ADISSP: variants seen among roughly 807,000 people sequenced by gnomAD.
ADISSP encodes the protein adipose-secreted signaling protein.
the ADISSP span, among the ~76,000 whole-genome samples, chr20:3,763,395 T>TA: frequency 1.3e-5 from 2 of 148,844 alleles, no homozygotes; most frequent in Non-Finnish European, 3.0e-5. Context: ...CTGTCTCTAC[T>TA]AAAAAATACA....
chr20:3,754,466 C>T, the ADISSP span: 2 of 1,613,976 alleles, frequency 1.2e-6, no homozygotes, highest in Non-Finnish European at 1.7e-6. Flanking sequence ...AGCAGTATCT[C>T]CTCTTTGAGG....
chr20:3,756,065 A>T, the ADISSP span, among the ~76,000 whole-genome samples: 4 of 152,216 alleles, frequency 2.6e-5, no homozygotes, highest in Non-Finnish European at 5.9e-5. Flanking sequence ...CACTGCCAGT[A>T]TCCCAGGGTC....
chr20:3,761,383 T>TG, the ADISSP span, among the ~76,000 whole-genome samples: 2 of 151,458 alleles, frequency 1.3e-5, no homozygotes, highest in Admixed American at 1.3e-4. Context: ...TCACCCAGGC[T>TG]GGGATGCAAT....
chr20:3,766,079 C>T, the ADISSP span, among the ~76,000 whole-genome samples: 1 of 152,164 alleles, frequency 6.6e-6, no homozygotes, highest in East Asian at 1.9e-4. Context: ...CTCTCTGAGC[C>T]AGGAACTCCG....
the ADISSP span, among the ~76,000 whole-genome samples, chr20:3,756,608 G>T: frequency 6.6e-6 from 1 of 152,174 alleles, no homozygotes; most frequent in Admixed American, 6.5e-5. Context: ...ATTGCTACAT[G>T]ACAAACTTCA....
chr20:3,754,116 C>G, the ADISSP span: 1 of 1,613,522 alleles, frequency 6.2e-7, no homozygotes, highest in Non-Finnish European at 8.5e-7. Context: ...GGCGCCCACA[C>G]ACTTGACACC....
At chr20:3,754,192 G>GC in the ADISSP span, 5 of 1,580,066 alleles carry the variant, frequency 3.2e-6, no homozygotes, top group Non-Finnish European at 4.3e-6. Context: ...TGCCATGCTG[G>GC]CCCCCGGCCC....
At chr20:3,759,737 C>T in the ADISSP span, among the ~76,000 whole-genome samples, 1 of 152,102 alleles carries the variant, frequency 6.6e-6, no homozygotes, top group African/African-American at 2.4e-5. This position sits in a 1 kb window ranked among gnomAD's most constrained non-coding sequence, Gnocchi z 4.6. Context: ...CCTTCCACAG[C>T]CTGCTGTGGC....
chr20:3,758,608 G>A, the ADISSP span: 1 of 1,614,068 alleles, frequency 6.2e-7, no homozygotes, highest in Non-Finnish European at 8.5e-7. This position sits in a 1 kb window ranked among gnomAD's most constrained non-coding sequence, Gnocchi z 5.5. Flanking sequence ...CATCAAAGTG[G>A]ACGTGGCTGT....
chr20:3,759,425 G>A, the ADISSP span, among the ~76,000 whole-genome samples: 3 of 152,134 alleles, frequency 2.0e-5, no homozygotes, highest in Non-Finnish European at 4.4e-5. This position sits in a 1 kb window ranked among gnomAD's most constrained non-coding sequence, Gnocchi z 4.6. Flanking sequence ...CAGGGTAGGC[G>A]GGAGCCGAGC....
chr20:3,754,079 G>T, the ADISSP span: 1 of 1,613,028 alleles, frequency 6.2e-7, no homozygotes, highest in South Asian at 1.1e-5. Context: ...CGTGCCAGTC[G>T]CTGTGCTCTG....
the ADISSP span, chr20:3,753,794 T>C: frequency 1.8e-6 from 1 of 543,274 alleles, no homozygotes; most frequent in Admixed American, 3.3e-5. Context: ...CCCTCTCCCT[T>C]CCTCAGACAG....
At chr20:3,759,178 GC>G in the ADISSP span, among the ~76,000 whole-genome samples, 6 of 152,184 alleles carry the variant, frequency 3.9e-5, no homozygotes, top group Admixed American at 1.3e-4. The surrounding 1 kb of genome is among the most constrained non-coding windows in gnomAD (Gnocchi z 4.6). Context: ...TGGGGGATCT[GC>G]CTGGGGTGGC....
chr20:3,764,543 G>A, the ADISSP span, among the ~76,000 whole-genome samples: 3 of 152,186 alleles, frequency 2.0e-5, no homozygotes, highest in Non-Finnish European at 1.5e-5. Flanking sequence ...TTTTAAGGAT[G>A]CACACCCTGC....
chr20:3,759,247 A>G, the ADISSP span, among the ~76,000 whole-genome samples: 1 of 152,178 alleles, frequency 6.6e-6, no homozygotes, highest in African/African-American at 2.4e-5. The surrounding 1 kb of genome is among the most constrained non-coding windows in gnomAD (Gnocchi z 4.6). Context: ...TGCAGCTGCC[A>G]GTAAACCTCA....
At chr20:3,759,915 A>G in the ADISSP span, 14 of 1,203,102 alleles carry the variant, frequency 1.2e-5, no homozygotes, top group Non-Finnish European at 1.7e-5. This position sits in a 1 kb window ranked among gnomAD's most constrained non-coding sequence, Gnocchi z 4.6. Flanking sequence ...AGAACCTGGC[A>G]CAAACACTGA....
chr20:3,762,826 C>T, the ADISSP span, among the ~76,000 whole-genome samples: 2 of 152,098 alleles, frequency 1.3e-5, no homozygotes, highest in Non-Finnish European at 2.9e-5. Context: ...GTTTGCCAAC[C>T]CTTGTTCTAG....
chr20:3,762,486 C>G, the ADISSP span, among the ~76,000 whole-genome samples: 1 of 152,032 alleles, frequency 6.6e-6, no homozygotes, highest in African/African-American at 2.4e-5. Flanking sequence ...TCCTCCCACC[C>G]CAGCCTGCCA....
the ADISSP span, among the ~76,000 whole-genome samples, chr20:3,755,252 G>C: frequency 3.9e-4 from 59 of 152,156 alleles, no homozygotes; most frequent in African/African-American, 1.2e-3. Context: ...ATCACACCAT[G>C]GGCAGGTACA....
Sources: gnomAD v4.1 joint callset for allele counts (sites outside exome capture counted in the v4.1 genomes callset) on GRCh38, gnomAD v4.1.1 for gene constraint, Gnocchi (gnomAD v3.1) non-coding constraint, MANE v1.5 for transcripts, NCBI Gene and HGNC (gene_info 2026-07-23, HGNC 2026-07-21) for gene names.